IL1RAP: variants seen among roughly 807,000 people sequenced by gnomAD.
IL1RAP encodes interleukin 1 receptor accessory protein, also known as interleukin-1 receptor accessory protein.
In IL1RAP, 35 loss-of-function variants were observed where a neutral mutation model predicts 60.7. The ratio of observed to expected loss-of-function variants is 0.58; its 90% CI spans 0.44 to 0.76. The LOEUF (loss-of-function observed/expected upper bound fraction) is 0.76. IL1RAP is among the 30% of genes least tolerant of loss of function. The probability of loss-of-function intolerance (pLI) is 0.00; values close to 1 mark genes in which losing one functional copy is unlikely to be tolerated. For missense variants in IL1RAP, 572 were observed against 693.9 expected (o/e 0.82, Z 1.97); for synonymous variants, 268 against 250.9 (o/e 1.07, Z -0.64).
At chr3:190,539,967 G>A (rs544370070) in intron 1 of IL1RAP, among the ~76,000 whole-genome samples, 5 of 151,654 alleles carry the variant, frequency 3.3e-5, no homozygotes, top group Non-Finnish European at 7.4e-5. Context: ...TTATGGTTCC[G>A]TGCTCTCCCT....
chr3:190,608,926 A>G (rs1730589293), intron 4 of IL1RAP, 69 bp from the exon 5 acceptor site: 25 of 1,226,102 alleles, frequency 2.0e-5, no homozygotes, highest in Non-Finnish European at 2.7e-5. Flanking sequence ...CACTTAGTTC[A>G]TTTGAATGTG....
chr3:190,543,115 C>A (rs576884278), intron 1 of IL1RAP, among the ~76,000 whole-genome samples: 3 of 152,110 alleles, frequency 2.0e-5, no homozygotes, highest in African/African-American at 7.2e-5. Context: ...TATTATAAAG[C>A]AGCATAACCA....
intron 10 of IL1RAP, among the ~76,000 whole-genome samples, chr3:190,645,483 G>A (rs1733948761): frequency 1.3e-5 from 2 of 152,144 alleles, no homozygotes; most frequent in South Asian, 2.1e-4. Context: ...CCACTGTAAA[G>A]CAACCTGTAA....
chr3:190,595,650 G>A (rs34845858), intron 3 of IL1RAP, among the ~76,000 whole-genome samples: 2,095 of 152,234 alleles, frequency 0.014, 36 homozygotes, highest in Non-Finnish European at 0.021. Flanking sequence ...ACACGCAGAT[G>A]GGACAGTTTC....
chr3:190,605,479 A>G (rs1469992186), intron 4 of IL1RAP, among the ~76,000 whole-genome samples: 1 of 152,174 alleles, frequency 6.6e-6, no homozygotes, highest in Non-Finnish European at 1.5e-5. Flanking sequence ...TTTGTTTTCT[A>G]AACTCCCATC....
chr3:190,630,006 G>C (rs1283441296), intron 9 of IL1RAP: 1 of 847,994 alleles, frequency 1.2e-6, no homozygotes, highest in East Asian at 1.2e-4. Flanking sequence ...ATTATCTGTA[G>C]TTGTAAAACA....
intron 3 of IL1RAP, among the ~76,000 whole-genome samples, chr3:190,565,027 AT>A (rs1268949636): frequency 6.6e-6 from 1 of 152,154 alleles, no homozygotes; most frequent in African/African-American, 2.4e-5. Flanking sequence ...TAATCATTAC[AT>A]TTCAGCCTAT....
chr3:190,568,491 G>A (rs115732007), intron 3 of IL1RAP, among the ~76,000 whole-genome samples: 1,699 of 152,280 alleles, frequency 0.011, 35 homozygotes, highest in African/African-American at 0.037. Flanking sequence ...AATTGGTAGA[G>A]AATGGAAATC....
chr3:190,588,288 A>G (rs2108702115), intron 3 of IL1RAP, among the ~76,000 whole-genome samples: 1 of 152,160 alleles, frequency 6.6e-6, no homozygotes, highest in East Asian at 1.9e-4. Flanking sequence ...TAATTTTTGT[A>G]TTTTTAGTAG....
intron 1 of IL1RAP, among the ~76,000 whole-genome samples, chr3:190,514,814 G>T (rs1721365784): frequency 6.6e-6 from 1 of 152,166 alleles, no homozygotes; most frequent in South Asian, 2.1e-4. Context: ...ACCTCCTATG[G>T]TACTGTTTCT....
At chr3:190,569,423 T>C (rs930347146) in intron 3 of IL1RAP, among the ~76,000 whole-genome samples, 4 of 152,186 alleles carry the variant, frequency 2.6e-5, no homozygotes, top group African/African-American at 9.7e-5. Flanking sequence ...CCATGGCTGG[T>C]CATCCTGAAC....
Position 190,648,424 on chromosome 3 carries a change from C to T in IL1RAP, c.1432C>T (p.Gln478Ter). ...CCCCAACTACGTGCTCCAGGGAACC[C>T]AAGCCCTCCTGGAGCTCAAGGCTGG... is the stretch of plus-strand genomic sequence containing the variant. ...LSPNYVLQGT[Q>*]ALLELKAGLE... Residue 478 changes from glutamine (Q) to a stop codon, truncating the protein, a stop_gained, in exon 12 of 12, where the codon CAA (glutamine) becomes TAA (stop). Transcript: ENST00000447382. LOFTEE classifies it high-confidence loss of function. The T allele has an allele frequency of 6.2e-7, 1 of 1,614,126 alleles. No homozygotes were observed. Among genetic ancestry groups the T allele is most frequent in the Non-Finnish European group, 8.5e-7 (1 of 1,180,014 alleles).
chr3:190,527,737 G>A (rs1421970008), intron 1 of IL1RAP, among the ~76,000 whole-genome samples: 9 of 130,692 alleles, frequency 6.9e-5, no homozygotes, highest in Non-Finnish European at 1.4e-4. Flanking sequence ...TTTAAAAGGT[G>A]TAACTTTTAT....
At chr3:190,627,252 GTTTT>G in intron 7 of IL1RAP, 67 bp from the exon 8 acceptor site, 2 of 1,216,904 alleles carry the variant, frequency 1.6e-6, no homozygotes, top group Non-Finnish European at 2.2e-6. Context: ...CTTTGTCTTT[GTTTT>G]TTGTTTTGTT....
rs1219697398 is a variant in IL1RAP at position 190,616,039 on chromosome 3, A to G, written c.538-4236A>G. On this transcript the variant is annotated intron_variant, in intron 5 of 11. Transcript: ENST00000447382. ...CATATTTTCTTTCAGAGCTATACACATATAATTCTATATGTGTACATATAT... is the reference window on the plus strand; with the variant it reads ...CATATTTTCTTTCAGAGCTATACACGTATAATTCTATATGTGTACATATAT... 5.3e-5 allele frequency among the ~76,000 whole-genome samples: 8 copies of G among 152,328 alleles called. No homozygotes were observed. In the South Asian group the frequency reaches 1.7e-3, roughly 32 times the overall value.
At chr3:190,658,979 A>G (rs1399058761) in exon 12 of IL1RAP, 1 of 152,136 alleles carries the variant, frequency 6.6e-6, no homozygotes, top group Non-Finnish European at 1.5e-5. Flanking sequence ...AGAATAATCC[A>G]TCCTTGATGT....
At chr3:190,639,736 G>C (rs961607101) in intron 9 of IL1RAP, among the ~76,000 whole-genome samples, 1 of 152,100 alleles carries the variant, frequency 6.6e-6, no homozygotes, top group African/African-American at 2.4e-5. Context: ...GTTAAATTTT[G>C]TTCTAGAGGG....
exon 12 of IL1RAP, chr3:190,659,189 A>G (rs1240308357): frequency 6.6e-5 from 10 of 152,210 alleles, no homozygotes; most frequent in Non-Finnish European, 1.2e-4. Context: ...TCATTTATAC[A>G]TTATTTTCTG....
At chr3:190,590,065 T>A (rs1728811187) in intron 3 of IL1RAP, among the ~76,000 whole-genome samples, 1 of 152,212 alleles carries the variant, frequency 6.6e-6, no homozygotes, top group Non-Finnish European at 1.5e-5. Flanking sequence ...ATAATCCACA[T>A]CATGATAGCT....
Sources: gnomAD v4.1 joint callset for allele counts (sites outside exome capture counted in the v4.1 genomes callset) on GRCh38, gnomAD v4.1.1 for gene constraint, MANE v1.5 for transcripts, NCBI Gene and HGNC (gene_info 2026-07-23, HGNC 2026-07-21) for gene names.